NSUN6: variants seen among roughly 807,000 people sequenced by gnomAD.
The protein encoded by NSUN6 is NOP2/Sun RNA methyltransferase 6, also known as tRNA (cytosine(72)-C(5))-methyltransferase NSUN6.
Under a neutral mutation model 58.0 loss-of-function variants are expected in NSUN6, and 64 were observed. That is an observed-to-expected ratio of 1.10 (90% confidence interval 0.90 to 1.36). NSUN6 has a LOEUF of 1.36. Among genes scored for constraint, NSUN6 ranks in the 40% most tolerant of loss-of-function variants. The pLI, the probability that NSUN6 is intolerant of heterozygous loss-of-function variation, is 0.00. For missense variants in NSUN6, 701 were observed against 550.1 expected, an observed-to-expected ratio of 1.27 and a Z score of -2.74; for synonymous variants, 231 against 193.9, an observed-to-expected ratio of 1.19 and a Z score of -1.59.
intron 8 of NSUN6, among the ~76,000 whole-genome samples, chr10:18,564,380 C>T (rs1210863580): frequency 2.6e-5 from 4 of 150,988 alleles, no homozygotes; most frequent in African/African-American, 9.7e-5. Flanking sequence ...CATTCCATTC[C>T]ATTCTCCCGT....
intron 3 of NSUN6, among the ~76,000 whole-genome samples, chr10:18,625,319 T>C (rs1301861322): frequency 1.3e-5 from 2 of 152,170 alleles, no homozygotes; most frequent in Non-Finnish European, 1.5e-5. Context: ...AGTCCTGCTG[T>C]CTTTATAAAA....
chr10:18,633,283 G>A (rs2059102494), intron 3 of NSUN6, among the ~76,000 whole-genome samples: 1 of 140,142 alleles, frequency 7.1e-6, no homozygotes, highest in African/African-American at 2.6e-5. Context: ...GGAGGGGGGA[G>A]GGATAGCATT....
upstream of NSUN6, chr10:18,658,580 C>A (rs577420892): frequency 2.0e-5 from 13 of 665,984 alleles, no homozygotes; most frequent in South Asian, 4.0e-4. Context: ...CACGAACATA[C>A]CTAATGCTTG....
chr10:18,551,389 T>A (rs961090625), intron 9 of NSUN6, among the ~76,000 whole-genome samples: 9 of 151,756 alleles, frequency 5.9e-5, no homozygotes, highest in African/African-American at 2.2e-4. Context: ...TCACCACCAT[T>A]CATCTCCAGA....
In NSUN6 at chr10:18,625,189, C is replaced by A. The variant is rs1590112060; in HGVS notation, c.312-8896G>T. On this transcript the variant is annotated intron_variant, in intron 3 of 10. Coordinates refer to ENST00000377304, the MANE Select transcript of NSUN6 (RefSeq NM_182543.5). Reference sequence around the variant, plus strand: ...CTTCTGTATGCTTTCATGTAATAAACCATAGCCATTGGTGTGACCGTATGC... The same window carrying A: ...CTTCTGTATGCTTTCATGTAATAAAACATAGCCATTGGTGTGACCGTATGC... Among the ~76,000 whole-genome samples, 3 of 152,266 alleles carry A rather than the reference C, an allele frequency of 2.0e-5. No homozygotes were observed. In the East Asian group the frequency reaches 5.8e-4, roughly 29 times the overall value.
chr10:18,619,712 T>C (rs1350802328), intron 3 of NSUN6, among the ~76,000 whole-genome samples: 1 of 151,744 alleles, frequency 6.6e-6, no homozygotes, highest in African/African-American at 2.4e-5. Context: ...GCTAAAAAAC[T>C]CGGAAATACT....
intron 8 of NSUN6, among the ~76,000 whole-genome samples, chr10:18,583,437 T>G (rs1423159617): frequency 2.6e-5 from 4 of 152,048 alleles, no homozygotes; most frequent in Non-Finnish European, 5.9e-5. Flanking sequence ...ACCTAAAATG[T>G]CCAGTTTTCA....
intron 7 of NSUN6, among the ~76,000 whole-genome samples, chr10:18,593,183 G>A (rs143582027): frequency 3.9e-5 from 6 of 152,020 alleles, no homozygotes; most frequent in African/African-American, 1.2e-4. Context: ...TTTGAATGGC[G>A]ATTAAAAAGT....
intron 3 of NSUN6, among the ~76,000 whole-genome samples, chr10:18,637,391 A>C (rs1462601988): frequency 6.6e-6 from 1 of 152,244 alleles, no homozygotes; most frequent in Admixed American, 6.5e-5. Flanking sequence ...CTAGATCACT[A>C]CAAAGAACAG....
chr10:18,624,900 A>G (rs1297369796), intron 3 of NSUN6, among the ~76,000 whole-genome samples: 5 of 152,150 alleles, frequency 3.3e-5, no homozygotes, highest in Non-Finnish European at 5.9e-5. Flanking sequence ...AGCAAGGTAC[A>G]AACACATGTT....
At position 18,599,033 on chromosome 10, in the gene NSUN6, A is replaced by G. The variant is rs185857137; in HGVS notation, c.658-2706T>C. Among the ~76,000 whole-genome samples, 570 of 152,312 alleles carry G rather than the reference A, an allele frequency of 3.7e-3. 2 individuals are homozygous for G. The highest frequency in any genetic ancestry group is 6.7e-3 in the Admixed American group (103 of 15,298). ...ACGAGGCTTAATTAAATATTCAAAT[A>G]GCAGGCTTATTTTTTATTTTTGGAG... On this transcript the variant is annotated intron_variant, in intron 6 of 10. Transcript: ENST00000377304.
At chr10:18,559,770 G>C (rs1028908288) in intron 8 of NSUN6, among the ~76,000 whole-genome samples, 1 of 151,408 alleles carries the variant, frequency 6.6e-6, no homozygotes, top group African/African-American at 2.4e-5. Context: ...GAAGGGAATG[G>C]AATGCAGAAT....
At chr10:18,623,806 G>C (rs1345426362) in intron 3 of NSUN6, among the ~76,000 whole-genome samples, 1 of 152,124 alleles carries the variant, frequency 6.6e-6, no homozygotes, top group African/African-American at 2.4e-5. Flanking sequence ...CTGGAAAAAA[G>C]GTATGAGCTA....
At chr10:18,586,280 C>G (rs1014700128) in intron 7 of NSUN6, among the ~76,000 whole-genome samples, 187 bp from the exon 8 acceptor site, 13 of 152,186 alleles carry the variant, frequency 8.5e-5, no homozygotes, top group Non-Finnish European at 1.8e-4. Flanking sequence ...CTGGTGGGTT[C>G]TTGGTCTCGC....
chr10:18,559,344 T>C (rs988580833), intron 8 of NSUN6, among the ~76,000 whole-genome samples: 1 of 137,128 alleles, frequency 7.3e-6, no homozygotes, highest in African/African-American at 2.8e-5. Flanking sequence ...GGAGAATTGA[T>C]TGGAATGGAA....
chr10:18,621,239 T>A (rs1429374637), intron 3 of NSUN6, among the ~76,000 whole-genome samples: 1 of 152,162 alleles, frequency 6.6e-6, no homozygotes, highest in Non-Finnish European at 1.5e-5. Context: ...TGGTCACAGC[T>A]CAGCACTGGG....
chr10:18,588,816 C>T (rs1055623547), intron 7 of NSUN6, among the ~76,000 whole-genome samples: 43 of 152,186 alleles, frequency 2.8e-4, no homozygotes, highest in African/African-American at 1.0e-3. Flanking sequence ...GAGGAAATAA[C>T]AGCACAAAAA....
At chr10:18,630,795 T>C (rs1318036813) in intron 3 of NSUN6, among the ~76,000 whole-genome samples, 3 of 152,170 alleles carry the variant, frequency 2.0e-5, no homozygotes, top group African/African-American at 7.2e-5. Context: ...CAGTACCAGA[T>C]GGATTCACAG....
At chr10:18,657,208 T>C (rs898707559), upstream of NSUN6, among the ~76,000 whole-genome samples, 4 of 152,194 alleles carry the variant, frequency 2.6e-5, no homozygotes. Flanking sequence ...ACAACTATAT[T>C]CTGTTAATCA....
Sources: gnomAD v4.1 joint callset for allele counts (sites outside exome capture counted in the v4.1 genomes callset) on GRCh38, gnomAD v4.1.1 for gene constraint, MANE v1.5 for transcripts, NCBI Gene and HGNC (gene_info 2026-07-23, HGNC 2026-07-21) for gene names.